The following HMGXB3 variants were observed in gnomAD, a reference collection of about 807,000 sequenced individuals.
HMGXB3 encodes the protein HMG-box containing 3, also known as HMG domain-containing protein 3.
HMGXB3 carries 45 observed loss-of-function variants against 121.5 expected under a neutral mutation model. That is an observed-to-expected ratio of 0.37 (90% CI 0.29 to 0.47). The LOEUF is 0.47. Ranked by LOEUF, HMGXB3 falls within the 20% of genes least tolerant of loss-of-function variation. HMGXB3 has a pLI of 0.99. For synonymous variants in HMGXB3, 590 were observed against 624.1 expected, an observed-to-expected ratio of 0.95 and a Z score of 0.81; for missense variants, 1,376 against 1,602.2, an observed-to-expected ratio of 0.86 and a Z score of 2.41.
intron 10 of HMGXB3, among the ~76,000 whole-genome samples, chr5:150,031,109 G>A (rs1279150065): frequency 1.3e-5 from 2 of 152,212 alleles, no homozygotes; most frequent in Non-Finnish European, 2.9e-5. Context: ...TGCCAGAGAT[G>A]AGAATCTAGT....
chr5:150,004,530 GT>G (rs751408228), intron 1 of HMGXB3, among the ~76,000 whole-genome samples: 7 of 152,092 alleles, frequency 4.6e-5, no homozygotes, highest in African/African-American at 9.7e-5. Context: ...GGGTGGGTGG[GT>G]ACTGTATCCC....
At position 150,026,879 on chromosome 5, in the gene HMGXB3, G is replaced by C; in HGVS notation, c.1634G>C (p.Ser545Thr). The C allele has an allele frequency of 6.6e-7, 1 of 1,509,914 alleles. No homozygotes were observed. The highest frequency in any genetic ancestry group is 8.9e-7 in the Non-Finnish European group (1 of 1,126,874). 93.5% of individuals were successfully genotyped at this position (1,509,914 alleles called of 1,614,324 possible). A position where few individuals can be genotyped will look rare whatever the true frequency, so the allele number is the denominator to read the frequency against. ...LPRARQAFSL[S>T]DKTPSVRTCG... ...AGGGCCAGGCAGGCCTTTTCCCTGA[G>C]TGGTAAGGGCTGGGACATACCTGGG... The change falls in exon 8 of 20, where the codon AGT becomes ACT. Residue 545 changes from serine to threonine, a missense_variant and splice_region_variant. By Grantham distance (58) the Ser-to-Thr change is moderately conservative. Coordinates refer to ENST00000502717, the MANE Select transcript of HMGXB3 (RefSeq NM_014983.3).
chr5:150,032,363 T>G, intron 10 of HMGXB3, 91 bp from the exon 11 acceptor site: 1 of 1,252,014 alleles, frequency 8.0e-7, no homozygotes, highest in Non-Finnish European at 1.1e-6. Flanking sequence ...CTCTCTTCTC[T>G]GATTTACTGG....
Position 150,051,887 on chromosome 5 carries a change from G to A in HMGXB3, c.3574G>A (p.Ala1192Thr). ...GDPSAGHHSL[A>T]LCPELAPYAT... ...CCCCAGTGCTGGGCACCACTCCTTG[G>A]CCCTGTGCCCTGAATTGGCACCTTA... is the stretch of plus-strand genomic sequence containing the variant. The change falls in exon 20 of 20, where the codon GCC becomes ACC. Residue 1192 changes from alanine (A) to threonine (T), a missense_variant. Coordinates refer to ENST00000502717, the MANE Select transcript of HMGXB3 (RefSeq NM_014983.3). 2 of 1,551,586 alleles carry A rather than the reference G, an allele frequency of 1.3e-6. No homozygotes were observed. Among genetic ancestry groups the A allele is most frequent in the Non-Finnish European group, 8.7e-7 (1 of 1,147,106 alleles).
intron 13 of HMGXB3, among the ~76,000 whole-genome samples, chr5:150,038,791 G>A (rs1157416071): frequency 1.3e-5 from 2 of 152,144 alleles, no homozygotes; most frequent in African/African-American, 4.8e-5. Flanking sequence ...CCTTTTTATT[G>A]TGGAGTAGTT....
intron 13 of HMGXB3, 85 bp from the exon 14 acceptor site, chr5:150,040,663 C>A: frequency 7.1e-7 from 1 of 1,401,404 alleles, no homozygotes. Flanking sequence ...CAGGCACGTG[C>A]CACCGCACCC....
At chr5:150,008,997 T>G (rs1355230459) in intron 3 of HMGXB3, among the ~76,000 whole-genome samples, 1 of 152,266 alleles carries the variant, frequency 6.6e-6, no homozygotes, top group East Asian at 1.9e-4. Flanking sequence ...AGAATCCTTT[T>G]GTAGTTGACT....
chr5:150,047,535 G>C, intron 16 of HMGXB3, 89 bp from the exon 17 acceptor site: 1 of 1,480,786 alleles, frequency 6.8e-7, no homozygotes, highest in Non-Finnish European at 9.1e-7. Flanking sequence ...TGCAGAGCTG[G>C]CTTCCACTGT....
At chr5:150,030,516 C>G in intron 9 of HMGXB3, 1 of 475,174 alleles carries the variant, frequency 2.1e-6, no homozygotes, top group South Asian at 2.9e-5. Flanking sequence ...GTTTCTAATA[C>G]ATGGTATTAG....
chr5:150,010,192 A>G lies in HMGXB3; in HGVS notation c.394A>G (p.Ile132Val), dbSNP rs1486783640. The stretch of plus-strand genomic sequence containing the variant: ...GATCCTCCCACGCTCAGATTATATC[A>G]TCATCCCCAAGAGCAGCCTGCAGGA... ...RKILPRSDYIIIPKSSLQEDR... is the reference protein window; with the variant it reads ...RKILPRSDYIVIPKSSLQEDR... The change falls in exon 4 of 20, where the codon ATC (isoleucine) becomes GTC (valine). Residue 132 changes from isoleucine to valine, a missense_variant. This residue lies in a region of HMGXB3 where 1,116 missense variants were observed against 1,369.0 expected (regional missense o/e 0.82). Transcript: ENST00000502717. 1.3e-6 allele frequency: 2 copies of G among 1,551,682 alleles called. No homozygotes were observed. Among genetic ancestry groups the G allele is most frequent in the East Asian group, 2.4e-5 (1 of 40,926 alleles).
At chr5:150,048,516 C>T (rs201126118) in intron 17 of HMGXB3, 53 bp from the exon 18 acceptor site, 23 of 1,178,826 alleles carry the variant, frequency 2.0e-5, no homozygotes, top group Admixed American at 4.0e-5. Flanking sequence ...GAGCACCAGC[C>T]GTGGTCCCTT....
chr5:150,018,739 A>G (rs1756015790), intron 6 of HMGXB3, 42 bp downstream of exon 6: 3 of 1,509,528 alleles, frequency 2.0e-6, no homozygotes, highest in African/African-American at 1.4e-5. Context: ...GCCTCACAGA[A>G]TAGACTTTCT....
intron 9 of HMGXB3, among the ~76,000 whole-genome samples, chr5:150,027,900 C>T (rs1036720104): frequency 3.9e-5 from 6 of 152,196 alleles, no homozygotes; most frequent in African/African-American, 1.4e-4. Flanking sequence ...TACCTTTACT[C>T]TCCCATTCAT....
At chr5:150,024,767 G>A in intron 7 of HMGXB3, 87 bp downstream of exon 7, 3 of 1,143,866 alleles carry the variant, frequency 2.6e-6, no homozygotes, top group Non-Finnish European at 3.6e-6. Flanking sequence ...CCTGAGAGAG[G>A]CAGCAGAGAC....
chr5:150,015,938 A>G (rs1382145415), intron 5 of HMGXB3, among the ~76,000 whole-genome samples: 1 of 152,240 alleles, frequency 6.6e-6, no homozygotes, highest in Non-Finnish European at 1.5e-5. Context: ...GAGAATGCAT[A>G]GTCTGCTATT....
rs555679597 is a variant in HMGXB3, at chr5:150,015,558, G to C, written c.910-3008G>C. Among the ~76,000 whole-genome samples, 12 of 152,264 alleles carry C rather than the reference G, an allele frequency of 7.9e-5. No individual in the cohort carries two copies. The South Asian group carries it at 2.5e-3, about 32-fold the overall frequency. On this transcript the variant is annotated intron_variant, in intron 5 of 19. Coordinates refer to ENST00000502717, the MANE Select transcript of HMGXB3 (RefSeq NM_014983.3). ...CCTGCCTTGGCCTCCAAAAGTATTG[G>C]AATTACAGGCGTGAGCCACCGTGCC...
intron 10 of HMGXB3, 37 bp downstream of exon 10, chr5:150,030,876 A>T: frequency 6.7e-7 from 1 of 1,485,940 alleles, no homozygotes; most frequent in Non-Finnish European, 9.2e-7. Flanking sequence ...GTTGACATGG[A>T]GGTTGTTTTG....
At chr5:150,005,942 C>T (rs190040370) in intron 2 of HMGXB3, among the ~76,000 whole-genome samples, 23 of 152,260 alleles carry the variant, frequency 1.5e-4, no homozygotes, top group Admixed American at 9.8e-4. Context: ...GCACAAAAAG[C>T]GATCTTTAGG....
In HMGXB3 at chr5:150,024,372, A is replaced by G; in HGVS notation, c.1152A>G (p.Glu384=). Residue 384 remains glutamate, a synonymous_variant, in exon 7 of 20, where the codon GAA becomes GAG. Coordinates refer to ENST00000502717, the MANE Select transcript of HMGXB3 (RefSeq NM_014983.3). ...PVTTEQNSSK[E]NASKLTLENS... is the part of the protein sequence containing the mutation. ...CCACTGAGCAAAATTCCTCTAAGGAAAATGCCTCCAAACTGACTCTGGAGA... is the reference window on the plus strand; with the variant it reads ...CCACTGAGCAAAATTCCTCTAAGGAGAATGCCTCCAAACTGACTCTGGAGA... 1 of 1,551,768 alleles carries G rather than the reference A, an allele frequency of 6.4e-7. No homozygotes were observed. The highest frequency in any genetic ancestry group is 8.7e-7 in the Non-Finnish European group (1 of 1,147,010).
Sources: allele counts gnomAD v4.1 joint callset (sites outside exome capture counted in the v4.1 genomes callset), GRCh38; gene constraint gnomAD v4.1.1; regional missense constraint gnomAD v4.1.1; transcripts MANE v1.5; gene names NCBI Gene and HGNC (gene_info 2026-07-23, HGNC 2026-07-21).